CLMP: variants seen among roughly 807,000 people sequenced by gnomAD.
CLMP encodes CXADR like cell adhesion molecule.
CLMP carries 27 observed loss-of-function variants against 45.2 expected under a neutral mutation model. That is an observed-to-expected ratio of 0.60 (90% confidence interval 0.44 to 0.82). The LOEUF is 0.82. CLMP is among the 40% of genes least tolerant of loss of function. CLMP has a pLI of 0.00. For synonymous variants in CLMP, 167 were observed against 171.4 expected, an observed-to-expected ratio of 0.97 and a Z score of 0.20; for missense variants, 403 against 448.4, an observed-to-expected ratio of 0.90 and a Z score of 0.91.
intron 1 of CLMP, among the ~76,000 whole-genome samples, chr11:123,112,075 C>G (rs1860646645): frequency 6.6e-6 from 1 of 152,050 alleles, no homozygotes; most frequent in African/African-American, 2.4e-5. Flanking sequence ...TCAACTATGG[C>G]CTCTAGATAG....
chr11:123,168,373 A>G (rs1861587602), intron 1 of CLMP, among the ~76,000 whole-genome samples: 1 of 152,122 alleles, frequency 6.6e-6, no homozygotes, highest in African/African-American at 2.4e-5. Flanking sequence ...CTTCCTATCT[A>G]CATCTGGATT....
In CLMP at chr11:123,082,609, T is replaced by TG. The variant is rs985006151; in HGVS notation, c.679+475_679+476insC. 4.2e-5 allele frequency among the ~76,000 whole-genome samples: 6 copies of TG among 142,376 alleles called. No homozygotes were observed. In the East Asian group the frequency reaches 1.3e-3, roughly 30 times the overall value. The allele number at this position is 142,376 out of a possible 152,430, so 93.4% of individuals were successfully genotyped here. ...AGCCGCCACGCTGGGCTGGTTTTTT[T>TG]TGTGTGTGTTTTTTTTTTTGAGAGG... On this transcript the variant is annotated intron_variant, in intron 5 of 6. Coordinates refer to ENST00000448775, the MANE Select transcript of CLMP (RefSeq NM_024769.5).
chr11:123,154,624 A>G (rs756201473), intron 1 of CLMP, among the ~76,000 whole-genome samples: 31 of 152,220 alleles, frequency 2.0e-4, no homozygotes, highest in Non-Finnish European at 2.6e-4. Context: ...ACTTAGGACT[A>G]GGGGATGATC....
At chr11:123,086,816 G>A (rs1196863149) in intron 2 of CLMP, among the ~76,000 whole-genome samples, 1 of 152,084 alleles carries the variant, frequency 6.6e-6, no homozygotes, top group Non-Finnish European at 1.5e-5. Context: ...GGAGGTTGAG[G>A]CTATAGTGAG....
Position 123,083,688 on chromosome 11 carries a change from G to T in CLMP, c.548C>A (p.Ser183Tyr). Residue 183 changes from serine to tyrosine, a missense_variant, in exon 4 of 7, where the codon TCT (serine) becomes TAT (tyrosine). Physicochemically the swap from Ser to Tyr is moderately radical, Grantham distance 144. Transcript: ENST00000448775. ...GTAGGAAGATGACTTACCAATCCTA[G>T]ATTTGGGAGGCAGACGTTCATCCTC... The part of the protein sequence containing the change: ...EGEDERLPPK[S>Y]RIDYNHPGRV... 1.2e-6 allele frequency: 2 copies of T among 1,614,032 alleles called. No homozygotes were observed. Among genetic ancestry groups the T allele is most frequent in the South Asian group, 2.2e-5 (2 of 91,076 alleles).
intron 1 of CLMP, among the ~76,000 whole-genome samples, chr11:123,125,482 C>T (rs1860876176): frequency 8.1e-6 from 1 of 122,912 alleles, no homozygotes; most frequent in Non-Finnish European, 1.8e-5. Flanking sequence ...TCCCTCCTCC[C>T]TCCCTCCTTC....
chr11:123,182,066 C>G (rs938177041), intron 1 of CLMP, among the ~76,000 whole-genome samples: 3 of 152,200 alleles, frequency 2.0e-5, no homozygotes, highest in Non-Finnish European at 4.4e-5. Context: ...TGCTTGGTGC[C>G]TGCTATTTTA....
At chr11:123,128,391 C>G (rs1257815246) in intron 1 of CLMP, among the ~76,000 whole-genome samples, 1 of 114,778 alleles carries the variant, frequency 8.7e-6, no homozygotes, top group Non-Finnish European at 1.8e-5. Flanking sequence ...TAGCTCAGGC[C>G]TGTAATCCTG....
intron 1 of CLMP, among the ~76,000 whole-genome samples, chr11:123,186,862 T>G (rs912770954): frequency 6.6e-6 from 1 of 151,980 alleles, no homozygotes; most frequent in East Asian, 1.9e-4. Context: ...AGGGCAATAT[T>G]CCCTAAAGGA....
chr11:123,157,027 C>T (rs1861423613), intron 1 of CLMP, among the ~76,000 whole-genome samples: 1 of 152,132 alleles, frequency 6.6e-6, no homozygotes, highest in Non-Finnish European at 1.5e-5. Flanking sequence ...CAGAGGAATC[C>T]CAGAGGTTAA....
At chr11:123,120,172 G>A (rs141523120) in intron 1 of CLMP, among the ~76,000 whole-genome samples, 4 of 152,234 alleles carry the variant, frequency 2.6e-5, no homozygotes, top group African/African-American at 4.8e-5. Flanking sequence ...TCTAATCCCA[G>A]TGCTTTGGGA....
intron 1 of CLMP, among the ~76,000 whole-genome samples, chr11:123,165,385 T>C (rs1861542991): frequency 6.6e-6 from 1 of 152,244 alleles, no homozygotes; most frequent in African/African-American, 2.4e-5. Context: ...CTAACAGTTA[T>C]GACATTAAAA....
intron 1 of CLMP, among the ~76,000 whole-genome samples, chr11:123,133,695 G>T (rs1861024841): frequency 6.6e-6 from 1 of 152,066 alleles, no homozygotes; most frequent in African/African-American, 2.4e-5. Context: ...GTGCAGGAAG[G>T]ACTGTCTGAC....
chr11:123,097,101 C>T (rs752244147), intron 2 of CLMP, among the ~76,000 whole-genome samples: 1 of 152,178 alleles, frequency 6.6e-6, no homozygotes, highest in African/African-American at 2.4e-5. Flanking sequence ...GTTCACCCCC[C>T]TCAGGCTCCC....
intron 1 of CLMP, among the ~76,000 whole-genome samples, chr11:123,154,947 G>T (rs1287190506): frequency 6.6e-6 from 1 of 152,162 alleles, no homozygotes; most frequent in Non-Finnish European, 1.5e-5. Context: ...AAAGAGCCTT[G>T]GTGGTTAAAA....
At chr11:123,158,782 C>T (rs560319891) in intron 1 of CLMP, among the ~76,000 whole-genome samples, 11 of 152,308 alleles carry the variant, frequency 7.2e-5, no homozygotes, top group Admixed American at 5.2e-4. Context: ...GGGCAAGTTT[C>T]TTCACCCCTG....
At chr11:123,089,801 A>G (rs1865909091) in intron 2 of CLMP, among the ~76,000 whole-genome samples, 1 of 137,390 alleles carries the variant, frequency 7.3e-6, no homozygotes, top group Admixed American at 7.3e-5. Context: ...AAAGAAAAAG[A>G]AAAAGAAACA....
At chr11:123,094,516 T>G (rs1865968616) in intron 2 of CLMP, among the ~76,000 whole-genome samples, 2 of 152,216 alleles carry the variant, frequency 1.3e-5, no homozygotes, top group Non-Finnish European at 2.9e-5. Context: ...GCTCCTTATT[T>G]GTAAAATGGG....
chr11:123,141,206 A>C (rs1861152088), intron 1 of CLMP, among the ~76,000 whole-genome samples: 1 of 65,590 alleles, frequency 1.5e-5, no homozygotes, highest in Non-Finnish European at 2.9e-5. Context: ...TTTTTTTGAG[A>C]CGAAGTCTCA....
Sources: allele counts gnomAD v4.1 joint callset (sites outside exome capture counted in the v4.1 genomes callset), GRCh38; gene constraint gnomAD v4.1.1; transcripts MANE v1.5; gene names NCBI Gene and HGNC (gene_info 2026-07-23, HGNC 2026-07-21).